LINGO2: variants seen among roughly 807,000 people sequenced by gnomAD.
LINGO2 encodes leucine-rich repeat and immunoglobulin-like domain-containing nogo receptor-interacting protein 2.
A neutral mutation model predicts 30.6 loss-of-function variants in LINGO2; 14 were observed. The observed-to-expected ratio is 0.46, with a 90% CI of 0.30 to 0.72. LINGO2 has a LOEUF of 0.72. LINGO2 is among the 30% of genes least tolerant of loss of function. The pLI, the probability that LINGO2 is intolerant of heterozygous loss-of-function variation, is 0.07. For synonymous variants in LINGO2, 317 were observed against 288.5 expected (o/e 1.10, Z -1.00); for missense variants, 729 against 751.7 (o/e 0.97, Z 0.35).
intron 1 of LINGO2, among the ~76,000 whole-genome samples, chr9:28,617,288 C>CTTTCT (rs1461815287): frequency 2.6e-4 from 39 of 150,762 alleles, no homozygotes; most frequent in Admixed American, 7.2e-4. Context: ...AAGAATATTT[C>CTTTCT]TTTCTTTTCT....
the LINGO2 span, among the ~76,000 whole-genome samples, chr9:28,991,903 G>A: frequency 6.6e-6 from 1 of 152,010 alleles, no homozygotes; most frequent in East Asian, 1.9e-4. Context: ...ACCAGCCACT[G>A]CAAAAGCATG....
chr9:28,875,492 CCAA>C, the LINGO2 span, among the ~76,000 whole-genome samples: 1 of 152,026 alleles, frequency 6.6e-6, no homozygotes, highest in South Asian at 2.1e-4. Flanking sequence ...TACCACTTTA[CCAA>C]TTGTCTCAAG....
chr9:28,619,782 T>C (rs144202063), intron 1 of LINGO2, among the ~76,000 whole-genome samples: 5 of 152,248 alleles, frequency 3.3e-5, no homozygotes, highest in African/African-American at 1.2e-4. Context: ...TAAGTGGTAG[T>C]AATTTCTTTG....
the LINGO2 span, among the ~76,000 whole-genome samples, chr9:28,857,964 G>A: frequency 1.3e-5 from 2 of 151,368 alleles, no homozygotes; most frequent in African/African-American, 4.9e-5. Context: ...TATGCGGCCC[G>A]TTCAACATCC....
At chr9:28,882,298 T>C in the LINGO2 span, among the ~76,000 whole-genome samples, 829 of 152,238 alleles carry the variant, frequency 5.4e-3, 9 homozygotes, top group Non-Finnish European at 5.4e-3. Flanking sequence ...ATATTCACAA[T>C]AGATGAAGAG....
intron 1 of LINGO2, among the ~76,000 whole-genome samples, chr9:28,495,496 T>G (rs113044384): frequency 2.0e-5 from 3 of 152,202 alleles, no homozygotes; most frequent in Admixed American, 2.0e-4. Context: ...TTTCTTGTTT[T>G]TGTCAGGTTT....
intron 2 of LINGO2, among the ~76,000 whole-genome samples, chr9:28,462,942 T>G (rs1283090879): frequency 6.6e-6 from 1 of 152,102 alleles, no homozygotes; most frequent in Non-Finnish European, 1.5e-5. Context: ...AACATTAAGT[T>G]TTGCAAGACA....
chr9:28,221,737 G>GAT (rs1820974372), intron 4 of LINGO2, among the ~76,000 whole-genome samples: 1 of 152,150 alleles, frequency 6.6e-6, no homozygotes, highest in African/African-American at 2.4e-5. Context: ...GCTCTGAGTA[G>GAT]ATCCCTGATC....
chr9:28,915,404 T>C, the LINGO2 span, among the ~76,000 whole-genome samples: 1 of 152,002 alleles, frequency 6.6e-6, no homozygotes, highest in South Asian at 2.1e-4. Flanking sequence ...AGGTCTGGGG[T>C]GTGGCTTGAG....
intron 4 of LINGO2, among the ~76,000 whole-genome samples, chr9:28,197,715 G>GGAAAGAGT (rs1187612307): frequency 1.3e-5 from 2 of 151,744 alleles, no homozygotes; most frequent in African/African-American, 4.8e-5. Flanking sequence ...ATGAAATTTA[G>GGAAAGAGT]AAAAATTCAA....
the LINGO2 span, among the ~76,000 whole-genome samples, chr9:29,125,546 T>C: frequency 2.6e-5 from 4 of 152,282 alleles, no homozygotes; most frequent in East Asian, 7.7e-4. Flanking sequence ...CAAATATTTA[T>C]ACATTGTATT....
upstream of LINGO2, among the ~76,000 whole-genome samples, chr9:28,673,406 T>A (rs892150807): frequency 6.6e-6 from 1 of 152,048 alleles, no homozygotes; most frequent in Non-Finnish European, 1.5e-5. Context: ...GTGGCTCATG[T>A]CTGTAATCCC....
the LINGO2 span, among the ~76,000 whole-genome samples, chr9:28,930,050 A>T: frequency 1.2e-4 from 19 of 152,304 alleles, no homozygotes; most frequent in East Asian, 3.5e-3. The surrounding 1 kb of genome is among the most constrained non-coding windows in gnomAD (Gnocchi z 4.2). Flanking sequence ...ACTTCTTTGC[A>T]TCAACTTCGA....
At chr9:28,617,850 GT>G (rs1826209240) in intron 1 of LINGO2, among the ~76,000 whole-genome samples, 1 of 151,944 alleles carries the variant, frequency 6.6e-6, no homozygotes, top group South Asian at 2.1e-4. Flanking sequence ...TTCTACTTAT[GT>G]CTTTCCCCTT....
At chr9:28,864,944 G>A in the LINGO2 span, among the ~76,000 whole-genome samples, 4 of 152,076 alleles carry the variant, frequency 2.6e-5, no homozygotes, top group African/African-American at 9.7e-5. Context: ...GCAGTAATAG[G>A]TGTTATGAAA....
At chr9:28,305,146 C>T (rs1824295152) in intron 3 of LINGO2, among the ~76,000 whole-genome samples, 1 of 151,996 alleles carries the variant, frequency 6.6e-6, no homozygotes, top group Admixed American at 6.6e-5. Flanking sequence ...TCTCAATTGA[C>T]ATACAAAAAG....
chr9:29,154,310 C>A, the LINGO2 span, among the ~76,000 whole-genome samples: 2 of 151,638 alleles, frequency 1.3e-5, no homozygotes. Context: ...ATTAGCCGGG[C>A]GTGGTGGCGG....
At chr9:28,322,281 T>C (rs1825071631) in intron 3 of LINGO2, among the ~76,000 whole-genome samples, 1 of 152,164 alleles carries the variant, frequency 6.6e-6, no homozygotes, top group Non-Finnish European at 1.5e-5. Flanking sequence ...TTTTCACTGA[T>C]CACCCAAGCT....
chr9:28,877,239 GA>G, the LINGO2 span, among the ~76,000 whole-genome samples: 1 of 151,840 alleles, frequency 6.6e-6, no homozygotes, highest in East Asian at 1.9e-4. Flanking sequence ...TTGCTGTGCA[GA>G]AGCTCTTTAG....
Sources: gnomAD v4.1 joint callset for allele counts (sites outside exome capture counted in the v4.1 genomes callset) on GRCh38, gnomAD v4.1.1 for gene constraint, Gnocchi (gnomAD v3.1) non-coding constraint, MANE v1.5 for transcripts, NCBI Gene and HGNC (gene_info 2026-07-23, HGNC 2026-07-21) for gene names.